MYO16: variants seen among roughly 807,000 people sequenced by gnomAD.
MYO16 encodes the protein unconventional myosin-XVI.
In MYO16, 94 loss-of-function variants were observed where a neutral mutation model predicts 205.3. That is an observed-to-expected ratio of 0.46 (90% CI 0.39 to 0.54). The LOEUF is 0.54. Among genes scored for constraint, MYO16 ranks in the 20% least tolerant of loss-of-function variants. The pLI, the probability that MYO16 is intolerant of heterozygous loss-of-function variation, is 0.00. For synonymous variants in MYO16, 988 were observed against 954.0 expected, an observed-to-expected ratio of 1.04 and a Z score of -0.66; for missense variants, 2,315 against 2,387.5, an observed-to-expected ratio of 0.97 and a Z score of 0.63.
intron 4 of MYO16, among the ~76,000 whole-genome samples, chr13:108,766,124 A>G (rs1005319912): frequency 5.9e-5 from 9 of 152,254 alleles, no homozygotes; most frequent in African/African-American, 1.9e-4. Flanking sequence ...CCAAAAATCT[A>G]GAACCTAAAG....
chr13:108,895,030 C>G (rs1880343598), intron 14 of MYO16, among the ~76,000 whole-genome samples: 1 of 152,164 alleles, frequency 6.6e-6, no homozygotes, highest in South Asian at 2.1e-4. Flanking sequence ...TAAGCATTCA[C>G]TATGCAATAG....
intron 4 of MYO16, among the ~76,000 whole-genome samples, chr13:108,757,748 C>A (rs9559402): frequency 3.3e-5 from 5 of 151,892 alleles, no homozygotes; most frequent in African/African-American, 1.2e-4. Flanking sequence ...TTTGTCCTTG[C>A]GACAGTTTGC....
chr13:108,615,880 C>T (rs910326090), intron 1 of MYO16, among the ~76,000 whole-genome samples: 4 of 152,132 alleles, frequency 2.6e-5, no homozygotes, highest in East Asian at 1.9e-4. Flanking sequence ...AAGTGAAATA[C>T]GCATATTTTT....
intron 33 of MYO16, among the ~76,000 whole-genome samples, chr13:109,167,668 AC>A (rs201357194): frequency 0.01 from 1,560 of 152,380 alleles, 8 homozygotes; most frequent in South Asian, 0.037. Context: ...TAAGTAGGAT[AC>A]ATAAAACTTT....
chr13:108,500,232 GTTTTTTTTGTTTT>G, the MYO16 span, among the ~76,000 whole-genome samples: 1 of 17,158 alleles, frequency 5.8e-5, no homozygotes, highest in African/African-American at 2.2e-4. Context: ...TTTTTTTTTT[GTTTTTTTTGTTTT>G]TTTTTTTTGA....
At chr13:108,792,750 G>A (rs1260544890) in intron 5 of MYO16, among the ~76,000 whole-genome samples, 2 of 152,000 alleles carry the variant, frequency 1.3e-5, no homozygotes, top group Admixed American at 1.3e-4. Context: ...GCCCTCAGGT[G>A]ATCTGCCCAC....
rs1425998922 is a variant in MYO16 at position 108,961,616 on chromosome 13, G to C, written c.2115G>C (p.Gly705=). 4.3e-6 allele frequency: 7 copies of C among 1,614,090 alleles called. No homozygotes were observed. Among genetic ancestry groups the C allele is most frequent in the Non-Finnish European group, 5.9e-6 (7 of 1,179,976 alleles). The part of the protein sequence containing the change: ...GDIRFTALNE[G]NSAFVSDLQL... ...TTCGGTTTACTGCCCTGAATGAGGG[G>C]AACTCCGCCTTCGTTTCTGACCTCC... The change falls in exon 18 of 35, where the codon GGG becomes GGC. Residue 705 remains glycine (G), a synonymous_variant. Transcript: ENST00000457511.
chr13:108,895,882 G>A (rs1211697207), intron 14 of MYO16, among the ~76,000 whole-genome samples: 1 of 152,198 alleles, frequency 6.6e-6, no homozygotes, highest in African/African-American at 2.4e-5. Flanking sequence ...TTTGCTGAAT[G>A]TTTTCTCTGT....
rs35068937 is a variant in MYO16, at chr13:109,068,589, A to ATT, written c.3335+13011_3335+13012dup. On this transcript the variant is annotated intron_variant, in intron 27 of 34. Coordinates refer to ENST00000457511, the MANE Select transcript of MYO16 (RefSeq NM_001198950.3). The stretch of plus-strand genomic sequence containing the variant: ...TTCTGGGACCACTGATAAGCCATGA[A>ATT]TTTTTTTTTTTTTTTTTTGAGGTGG... 5.7e-3 allele frequency among the ~76,000 whole-genome samples: 761 copies of ATT among 132,400 alleles called. 13 individuals carry two copies. The highest frequency in any genetic ancestry group is 0.03 in the East Asian group (135 of 4,502). The allele number at this position is 132,400 out of a possible 152,430, so 86.9% of individuals were successfully genotyped here.
At chr13:108,993,572 G>A (rs148521049) in intron 21 of MYO16, among the ~76,000 whole-genome samples, 8 of 152,220 alleles carry the variant, frequency 5.3e-5, no homozygotes, top group East Asian at 3.9e-4. Flanking sequence ...CACGAACCAC[G>A]TTCCTTACAA....
At chr13:108,921,361 G>C (rs1881738417) in intron 16 of MYO16, among the ~76,000 whole-genome samples, 1 of 152,108 alleles carries the variant, frequency 6.6e-6, no homozygotes, top group Non-Finnish European at 1.5e-5. Context: ...ACTCCAGCCT[G>C]GCCTTGTCCC....
intron 28 of MYO16, 71 bp from the exon 29 acceptor site, chr13:109,120,299 T>G: frequency 9.4e-7 from 1 of 1,064,414 alleles, no homozygotes; most frequent in East Asian, 2.4e-5. Context: ...AAATATTTTG[T>G]CTGATTATTT....
At chr13:108,897,026 A>T (rs1880451372) in intron 14 of MYO16, among the ~76,000 whole-genome samples, 1 of 151,960 alleles carries the variant, frequency 6.6e-6, no homozygotes, top group Admixed American at 6.6e-5. Context: ...AATTTTTTAA[A>T]AAAAGTGGGA....
chr13:108,743,648 A>T (rs1884975831), intron 4 of MYO16, among the ~76,000 whole-genome samples: 1 of 152,210 alleles, frequency 6.6e-6, no homozygotes, highest in Non-Finnish European at 1.5e-5. Flanking sequence ...TTGTGTTTGA[A>T]CATCTGATAT....
chr13:109,087,671 A>G (rs1484662310), intron 27 of MYO16, among the ~76,000 whole-genome samples: 3 of 152,174 alleles, frequency 2.0e-5, no homozygotes, highest in Non-Finnish European at 4.4e-5. Context: ...AAACTCCACA[A>G]CGCTCTTTAG....
intron 7 of MYO16, among the ~76,000 whole-genome samples, chr13:108,815,137 G>A (rs1875499958): frequency 6.6e-6 from 1 of 152,100 alleles, no homozygotes; most frequent in Non-Finnish European, 1.5e-5. Flanking sequence ...ACAAAATGTT[G>A]CAGTGACAAT....
chr13:108,698,636 A>T (rs1040752634), intron 2 of MYO16, among the ~76,000 whole-genome samples: 1 of 152,212 alleles, frequency 6.6e-6, no homozygotes, highest in African/African-American at 2.4e-5. Flanking sequence ...CATTTTTCAG[A>T]TAGGACTAAA....
the MYO16 span, among the ~76,000 whole-genome samples, chr13:108,508,058 T>A: frequency 6.6e-6 from 1 of 152,060 alleles, no homozygotes; most frequent in Non-Finnish European, 1.5e-5. Context: ...GATTTTTTTC[T>A]TATTTGTCTA....
Position 108,767,188 on chromosome 13 carries a change from C to T in MYO16, c.508-18447C>T, listed in dbSNP as rs1201533998. Among the ~76,000 whole-genome samples the T allele has an allele frequency of 3.9e-5, 6 of 151,946 alleles. No homozygotes were observed. In the East Asian group the frequency reaches 9.7e-4, roughly 25 times the overall value. On this transcript the variant is annotated intron_variant, in intron 4 of 34. Coordinates refer to ENST00000457511, the MANE Select transcript of MYO16 (RefSeq NM_001198950.3). ...TGCGATCTCGGCTCACTGCAAGCTC[C>T]GCCTCCCGGGTTCACGCCATTCTCC...
Sources: allele counts gnomAD v4.1 joint callset (sites outside exome capture counted in the v4.1 genomes callset), GRCh38; gene constraint gnomAD v4.1.1; transcripts MANE v1.5; gene names NCBI Gene and HGNC (gene_info 2026-07-23, HGNC 2026-07-21).